The following JAK2 variants were observed in gnomAD, a reference collection of about 807,000 sequenced individuals.
JAK2 encodes the protein Janus kinase 2.
In JAK2, 86 loss-of-function variants were observed where a neutral mutation model predicts 139.3. The observed-to-expected ratio is 0.62, with a 90% confidence interval of 0.52 to 0.74. The LOEUF (loss-of-function observed/expected upper bound fraction) is 0.74, where lower values mean the gene tolerates loss of function less well. Among genes scored for constraint, JAK2 ranks in the 30% least tolerant of loss-of-function variants. The probability of loss-of-function intolerance (pLI) is 0.00; values close to 1 mark genes in which losing one functional copy is unlikely to be tolerated. For missense variants in JAK2, 1,421 were observed against 1,360.3 expected, an observed-to-expected ratio of 1.04 and a Z score of -0.70; for synonymous variants, 490 against 437.7, an observed-to-expected ratio of 1.12 and a Z score of -1.49.
Position 5,128,174 on chromosome 9 carries a change from TCTTA to T in JAK2, c.*1387_*1390del, listed in dbSNP as rs1390108925. 1.2e-4 allele frequency: 27 copies of T among 232,326 alleles called. No homozygotes were observed. Among genetic ancestry groups the T allele is most frequent in the Admixed American group, 7.9e-4 (14 of 17,736 alleles). 14.4% of individuals were successfully genotyped at this position (232,326 alleles called of 1,614,324 possible). A position where few individuals can be genotyped will look rare whatever the true frequency, so the allele number is the denominator to read the frequency against. On this transcript the variant is annotated 3_prime_UTR_variant, in exon 25 of 25. Transcript: ENST00000381652. ...TGTTTTGATTAAAAAGAAAATAGTT[TCTTA>T]CTTTATTTTTACTGGTATGTTCTAC...
chr9:5,065,119 A>C, intron 9 of JAK2, 79 bp downstream of exon 9: 1 of 867,584 alleles, frequency 1.2e-6, no homozygotes. Context: ...AGAGTGATAC[A>C]TGTATGTTTA....
chr9:5,026,011 C>T (rs932120045), intron 3 of JAK2, among the ~76,000 whole-genome samples: 5 of 152,098 alleles, frequency 3.3e-5, no homozygotes, highest in Admixed American at 6.6e-5. Flanking sequence ...ATCTGTGCCT[C>T]TTTTTTTCTT....
intron 12 of JAK2, 130 bp from the exon 13 acceptor site, chr9:5,072,362 T>A (rs974944169): frequency 1.0e-5 from 6 of 584,778 alleles, no homozygotes; most frequent in African/African-American, 7.5e-5. Flanking sequence ...GTCTTAAATC[T>A]GGATTTAGAT....
At chr9:5,112,131 C>G (rs555743942) in intron 22 of JAK2, 227 of 315,622 alleles carry the variant, frequency 7.2e-4, no homozygotes, top group Non-Finnish European at 1.3e-3. Context: ...GCAGCCACGC[C>G]ATGGGCACGG....
intron 24 of JAK2, 52 bp from the exon 25 acceptor site, chr9:5,126,632 A>C: frequency 1.5e-6 from 2 of 1,293,436 alleles, no homozygotes; most frequent in Non-Finnish European, 2.2e-6. Flanking sequence ...TCCACCAATT[A>C]AAAGATGGCC....
chr9:5,017,377 T>A (rs1391065605), intron 2 of JAK2, among the ~76,000 whole-genome samples: 6 of 152,178 alleles, frequency 3.9e-5, no homozygotes, highest in Admixed American at 3.9e-4. Context: ...TTCTAGCAAA[T>A]TTACTCCTTA....
chr9:5,012,399 C>T (rs79713437), intron 2 of JAK2, among the ~76,000 whole-genome samples: 13,461 of 151,930 alleles, frequency 0.089, 1,739 homozygotes, highest in African/African-American at 0.29. Flanking sequence ...TTATAATTGT[C>T]GTCATCAGGA....
intron 4 of JAK2, chr9:5,041,394 G>C (rs1241100146): frequency 4.8e-6 from 3 of 627,436 alleles, no homozygotes; most frequent in Admixed American, 4.6e-5. Context: ...CAGAGCCACT[G>C]CAACAACCTG....
At chr9:5,017,436 A>C (rs1020891022) in intron 2 of JAK2, among the ~76,000 whole-genome samples, 1 of 151,962 alleles carries the variant, frequency 6.6e-6, no homozygotes, top group Non-Finnish European at 1.5e-5. Context: ...CAGAAAACCA[A>C]CTCTTAGATT....
Position 5,090,959 on chromosome 9 carries a change from A to C in JAK2, c.3059+48A>C, listed in dbSNP as rs574207049. The C allele has an allele frequency of 1.3e-5, 17 of 1,274,194 alleles. No homozygotes were observed. The African/African-American group carries it at 2.4e-4, about 18-fold the overall frequency. The allele number at this position is 1,274,194 out of a possible 1,614,324, so 78.9% of individuals were successfully genotyped here. ...AATGAAATTTTAGAGCACAGACTTC[A>C]AACTTTATTGTTGTTATTTAATAGT... On this transcript the variant is annotated intron_variant, in intron 22 of 24. Coordinates refer to ENST00000381652, the MANE Select transcript of JAK2 (RefSeq NM_004972.4).
intron 2 of JAK2, among the ~76,000 whole-genome samples, chr9:4,992,228 C>T (rs1052484169): frequency 7.2e-5 from 11 of 152,180 alleles, no homozygotes; most frequent in African/African-American, 2.4e-4. Flanking sequence ...GGAGCATGTA[C>T]ATGTGGCCTG....
intron 5 of JAK2, among the ~76,000 whole-genome samples, chr9:5,050,130 A>G (rs555350325): frequency 1.5e-4 from 23 of 152,292 alleles, no homozygotes; most frequent in African/African-American, 4.6e-4. Context: ...GGTAATTTTT[A>G]TGTAGAAGAT....
At chr9:5,055,002 A>T in intron 7 of JAK2, 118 bp downstream of exon 7, 1 of 720,386 alleles carries the variant, frequency 1.4e-6, no homozygotes, top group Non-Finnish European at 2.2e-6. Context: ...ATAGAAGTGG[A>T]AGTTTTTAAT....
rs772365197 is a variant in JAK2 at position 5,081,709 on chromosome 9, T to C, written c.2435-16T>C. 5 of 1,559,522 alleles carry C rather than the reference T, an allele frequency of 3.2e-6. No individual in the cohort carries two copies. Among genetic ancestry groups the C allele is most frequent in the Admixed American group, 1.7e-5 (1 of 59,578 alleles). ...TATTTGCTAATTTAAGGTGATAATA[T>C]TCTTTATTTCTCCAGATTATGAACT... On this transcript the variant is annotated splice_polypyrimidine_tract_variant and intron_variant, in intron 18 of 24. Transcript: ENST00000381652.
intron 2 of JAK2, among the ~76,000 whole-genome samples, chr9:5,006,842 T>C (rs776372172): frequency 2.0e-5 from 3 of 152,188 alleles, no homozygotes; most frequent in Non-Finnish European, 4.4e-5. Flanking sequence ...ATATATAGAA[T>C]TATTCAAATT....
intron 22 of JAK2, chr9:5,113,857 A>C: frequency 4.9e-6 from 1 of 205,458 alleles, no homozygotes; most frequent in Admixed American, 5.7e-5. Flanking sequence ...CATCTACTCC[A>C]GGGACTTCAC....
In JAK2 at chr9:5,123,020, C is replaced by A. The variant is rs774801005; in HGVS notation, c.3076C>A (p.Leu1026Met). 23 of 1,610,242 alleles carry A rather than the reference C, an allele frequency of 1.4e-5. No individual in the cohort carries two copies. The highest frequency in any genetic ancestry group is 2.0e-5 in the Non-Finnish European group (23 of 1,177,570). Residue 1026 changes from leucine to methionine, a missense_variant, in exon 23 of 25, where the codon CTG becomes ATG. Physicochemically the swap from Leu to Met is conservative, Grantham distance 15. Coordinates refer to ENST00000381652, the MANE Select transcript of JAK2 (RefSeq NM_004972.4). ...TATTTACAGGTATGCTCCAGAATCA[C>A]TGACAGAGAGCAAGTTTTCTGTGGC... is the stretch of plus-strand genomic sequence containing the variant. ...SPIFWYAPES[L>M]TESKFSVASD...
chr9:5,127,514 T>A lies in JAK2; in HGVS notation c.*723T>A. Reference sequence around the variant, plus strand: ...ATGAAACAAGCTTACAAAGATATAATCTATTTTATTATGGTTTCCCTTGTA... The same window carrying A: ...ATGAAACAAGCTTACAAAGATATAAACTATTTTATTATGGTTTCCCTTGTA... On this transcript the variant is annotated 3_prime_UTR_variant, in exon 25 of 25. Coordinates refer to ENST00000381652, the MANE Select transcript of JAK2 (RefSeq NM_004972.4). 1 of 231,288 alleles carries A rather than the reference T, an allele frequency of 4.3e-6. No homozygotes were observed. 14.3% of individuals were successfully genotyped at this position (231,288 alleles called of 1,614,324 possible).
At chr9:5,086,717 CTGACTA>C (rs1820144354) in intron 19 of JAK2, among the ~76,000 whole-genome samples, 1 of 152,180 alleles carries the variant, frequency 6.6e-6, no homozygotes, top group Non-Finnish European at 1.5e-5. Flanking sequence ...ATCTCCCTGT[CTGACTA>C]TAACTTTATA....
Sources: allele counts gnomAD v4.1 joint callset (sites outside exome capture counted in the v4.1 genomes callset), GRCh38; gene constraint gnomAD v4.1.1; transcripts MANE v1.5; gene names NCBI Gene and HGNC (gene_info 2026-07-23, HGNC 2026-07-21).